The following CASP5 variants were observed in gnomAD, a reference collection of about 807,000 sequenced individuals.
The protein encoded by CASP5 is caspase-5.
In CASP5, 42 loss-of-function variants were observed where a neutral mutation model predicts 45.2. That is an observed-to-expected ratio of 0.93 (90% CI 0.73 to 1.20). The LOEUF (loss-of-function observed/expected upper bound fraction) is 1.20. CASP5 is among the 50% of genes most tolerant of loss of function. CASP5 has a pLI of 0.00. For synonymous variants in CASP5, 209 were observed against 186.2 expected (o/e 1.12, Z -1.00); for missense variants, 512 against 532.2 (o/e 0.96, Z 0.37).
intron 3 of CASP5, among the ~76,000 whole-genome samples, chr11:105,006,319 C>T (rs764515399): frequency 3.3e-5 from 5 of 152,134 alleles, no homozygotes; most frequent in Non-Finnish European, 5.9e-5. Flanking sequence ...TTATTGCATG[C>T]GTATACTTCA....
intron 7 of CASP5, 118 bp downstream of exon 7, chr11:104,998,767 G>C: frequency 1.0e-6 from 1 of 960,026 alleles, no homozygotes; most frequent in African/African-American, 1.6e-5. Flanking sequence ...AAAATATATA[G>C]AGAGCACACA....
At chr11:104,999,812 A>T (rs1861638994) in intron 6 of CASP5, among the ~76,000 whole-genome samples, 1 of 152,196 alleles carries the variant, frequency 6.6e-6, no homozygotes, top group Non-Finnish European at 1.5e-5. Flanking sequence ...AAATCCCCTC[A>T]AGTTTCCTTA....
Position 105,007,302 on chromosome 11 carries a change from A to G in CASP5, c.214T>C (p.Leu72=). ...AGAACATCTTTGCCCAGGTATTCCA[A>G]CATCTTAACTGTTTTTTTTTTGTGG... ...DNHKKKTVKM[L]EYLGKDVLHG... Residue 72 remains leucine (L), a synonymous_variant, in exon 3 of 10, where the codon TTG becomes CTG. Transcript: ENST00000260315. The G allele has an allele frequency of 6.2e-7, 1 of 1,603,110 alleles. No homozygotes were observed. Among genetic ancestry groups the G allele is most frequent in the Non-Finnish European group, 8.5e-7 (1 of 1,178,226 alleles).
chr11:105,023,067 T>A, intron 1 of CASP5, 63 bp downstream of exon 1: 1 of 1,489,892 alleles, frequency 6.7e-7, no homozygotes, highest in Non-Finnish European at 9.2e-7. Flanking sequence ...CACATAGCAA[T>A]AAATCAAGAT....
Position 105,000,408 on chromosome 11 carries a change from T to C in CASP5, c.805A>G (p.Ile269Val), listed in dbSNP as rs1861669703. The change falls in exon 6 of 10, where the codon ATC becomes GTC. Residue 269 changes from isoleucine (I) to valine (V), a missense_variant. Ile to Val is a conservative substitution (Grantham distance 29). Coordinates refer to ENST00000260315, the MANE Select transcript of CASP5 (RefSeq NM_004347.5). ...STFLVLMSHG[I>V]LEGICGTAHK... Reference sequence around the variant, plus strand: ...GCAGTTCCGCAGATTCCCTCTAGGATGCCATGAGACATGAGTACCAAGAAC... The same window carrying C: ...GCAGTTCCGCAGATTCCCTCTAGGACGCCATGAGACATGAGTACCAAGAAC... 7 of 1,614,202 alleles carry C rather than the reference T, an allele frequency of 4.3e-6. No homozygotes were observed. The highest frequency in any genetic ancestry group is 5.9e-6 in the Non-Finnish European group (7 of 1,180,032).
At chr11:105,005,244 G>T (rs191492048) in intron 3 of CASP5, among the ~76,000 whole-genome samples, 135 of 152,128 alleles carry the variant, frequency 8.9e-4, no homozygotes, top group African/African-American at 2.9e-3. Flanking sequence ...CAACAAGAAA[G>T]GGAGTAGTGG....
At position 105,000,391 on chromosome 11, in the gene CASP5, G is replaced by A. The variant is rs760829350; in HGVS notation, c.822C>T (p.Cys274=). Residue 274 remains cysteine, a synonymous_variant, in exon 6 of 10, where the codon TGC becomes TGT. Coordinates refer to ENST00000260315, the MANE Select transcript of CASP5 (RefSeq NM_004347.5). ...LMSHGILEGI[C]GTAHKKKKPD... ...GTTTTTTCTTTTTATGCGCAGTTCC[G>A]CAGATTCCCTCTAGGATGCCATGAG... 5.6e-6 allele frequency: 9 copies of A among 1,614,036 alleles called. No individual in the cohort carries two copies. In the South Asian group the frequency reaches 7.7e-5, roughly 14 times the overall value.
intron 1 of CASP5, among the ~76,000 whole-genome samples, chr11:105,014,393 T>A (rs986322834): frequency 3.3e-5 from 5 of 152,084 alleles, no homozygotes; most frequent in Non-Finnish European, 5.9e-5. Context: ...GGTAGCATAG[T>A]TTTTTACCTT....
At chr11:105,003,437 A>G in intron 3 of CASP5, 54 bp from the exon 4 acceptor site, 3 of 912,280 alleles carry the variant, frequency 3.3e-6, no homozygotes, top group South Asian at 2.9e-5. Context: ...GACCCAATTT[A>G]TCACCTAAGA....
chr11:105,000,989 T>G (rs1018655434), intron 5 of CASP5, among the ~76,000 whole-genome samples: 1 of 152,182 alleles, frequency 6.6e-6, no homozygotes, highest in Non-Finnish European at 1.5e-5. Flanking sequence ...TCAGCTCAGC[T>G]CTTTCACAGG....
intron 1 of CASP5, among the ~76,000 whole-genome samples, chr11:105,016,677 T>G (rs1192529544): frequency 6.6e-6 from 1 of 152,214 alleles, no homozygotes; most frequent in Non-Finnish European, 1.5e-5. Context: ...TCTCGCTGAT[T>G]GCTAGCACAG....
At chr11:105,002,231 A>G in intron 4 of CASP5, 30 bp from the exon 5 acceptor site, 3 of 1,608,972 alleles carry the variant, frequency 1.9e-6, no homozygotes, top group African/African-American at 2.7e-5. Flanking sequence ...AGCAACTTTG[A>G]TTACCCGAGT....
chr11:105,009,307 C>T (rs1443312486), intron 1 of CASP5, among the ~76,000 whole-genome samples: 1 of 151,836 alleles, frequency 6.6e-6, no homozygotes, highest in Non-Finnish European at 1.5e-5. Flanking sequence ...TGATGACCTA[C>T]CTGAAGTGTG....
intron 1 of CASP5, among the ~76,000 whole-genome samples, chr11:105,011,735 C>A (rs916201335): frequency 3.3e-5 from 5 of 151,268 alleles, no homozygotes; most frequent in South Asian, 4.2e-4. Context: ...TAAATGTAAC[C>A]AAAAAGTTAA....
chr11:105,013,100 A>T (rs778728015), intron 1 of CASP5, among the ~76,000 whole-genome samples: 7 of 151,976 alleles, frequency 4.6e-5, no homozygotes, highest in African/African-American at 1.7e-4. Flanking sequence ...AAAGAAAGAA[A>T]TCTTGTCATT....
chr11:105,014,187 A>G (rs1014086980), intron 1 of CASP5, among the ~76,000 whole-genome samples: 1 of 152,090 alleles, frequency 6.6e-6, no homozygotes, highest in Non-Finnish European at 1.5e-5. Flanking sequence ...GCTCATTACA[A>G]TTAAAATATT....
intron 1 of CASP5, among the ~76,000 whole-genome samples, chr11:105,015,227 G>A (rs915216313): frequency 5.3e-5 from 8 of 152,128 alleles, no homozygotes; most frequent in South Asian, 2.1e-4. Flanking sequence ...AGAAAATTTC[G>A]TAGTCCTTTT....
intron 3 of CASP5, among the ~76,000 whole-genome samples, chr11:105,005,354 ATATG>A (rs772980736): frequency 1.2e-4 from 14 of 113,948 alleles, no homozygotes; most frequent in African/African-American, 3.4e-4. Context: ...GTGTATATAT[ATATG>A]TGTGTGTGTG....
In CASP5 at chr11:104,996,398, T is replaced by G. The variant is rs559682787; in HGVS notation, c.1207-556A>C. Among the ~76,000 whole-genome samples, 101 of 152,300 alleles carry G rather than the reference T, an allele frequency of 6.6e-4. 2 individuals are homozygous for G. The highest frequency in any genetic ancestry group is 6.5e-3 in the Admixed American group (100 of 15,288). On this transcript the variant is annotated intron_variant, in intron 8 of 9. Transcript: ENST00000260315. ...CAAAAGTACAATGTCTAATTCCTAA[T>G]CATCCAAAAGGATTTAACTTCCCAG...
Sources: allele counts gnomAD v4.1 joint callset (sites outside exome capture counted in the v4.1 genomes callset), GRCh38; gene constraint gnomAD v4.1.1; transcripts MANE v1.5; gene names NCBI Gene and HGNC (gene_info 2026-07-23, HGNC 2026-07-21).